GSTA2: variants seen among roughly 807,000 people sequenced by gnomAD.
GSTA2 encodes the protein glutathione S-transferase A2.
In GSTA2, 27 loss-of-function variants were observed where a neutral mutation model predicts 22.4. That is an observed-to-expected ratio of 1.21 (90% CI 0.89 to 1.67). The LOEUF (loss-of-function observed/expected upper bound fraction) is 1.67. Among genes scored for constraint, GSTA2 ranks in the 40% most tolerant of loss-of-function variants. The pLI, the probability that GSTA2 is intolerant of heterozygous loss-of-function variation, is 0.00. For missense variants in GSTA2, 302 were observed against 260.2 expected, an observed-to-expected ratio of 1.16 and a Z score of -1.11; for synonymous variants, 121 against 86.8, an observed-to-expected ratio of 1.39 and a Z score of -2.19.
In GSTA2 at chr6:52,757,911, G is replaced by C. The variant is rs771389883; in HGVS notation, c.37C>G (p.Arg13Gly). 77 of 1,613,556 alleles carry C rather than the reference G, an allele frequency of 4.8e-5. No individual in the cohort carries two copies. Among genetic ancestry groups the C allele is most frequent in the Admixed American group, 1.3e-4 (8 of 59,968 alleles). ...CACCGGATGGACTCCATTCTGCCCC[G>C]TATATTGGAGTAGTGGAGCTTGGGC... Reference protein sequence around the residue: ...EKPKLHYSNIRGRMESIRWLL... With the variant: ...EKPKLHYSNIGGRMESIRWLL... Residue 13 changes from arginine to glycine, a missense_variant, in exon 2 of 7, where the codon CGG (arginine) becomes GGG (glycine). By Grantham distance (125) the Arg-to-Gly change is moderately radical. Coordinates refer to ENST00000493422, the MANE Select transcript of GSTA2 (RefSeq NM_000846.5).
At position 52,750,638 on chromosome 6, in the gene GSTA2, G is replaced by T. The variant is rs1213976044; in HGVS notation, c.608C>A (p.Pro203Gln). The T allele has an allele frequency of 2.5e-6, 4 of 1,613,454 alleles. No homozygotes were observed. In the Admixed American group the frequency reaches 6.7e-5, roughly 27 times the overall value. The change falls in exon 7 of 7, where the codon CCA becomes CAA. Residue 203 changes from proline to glutamine, a missense_variant. Coordinates refer to ENST00000493422, the MANE Select transcript of GSTA2 (RefSeq NM_000846.5). Reference sequence around the variant, plus strand: ...TTTCTCATCCATGGGAGGCTTCCTTGGGCTGCCAGGCTGTAGAAACTTCTT... The same window carrying T: ...TTTCTCATCCATGGGAGGCTTCCTTTGGCTGCCAGGCTGTAGAAACTTCTT... The part of the protein sequence containing the change: ...TVKKFLQPGS[P>Q]RKPPMDEKSL...
chr6:52,751,851 T>A, intron 5 of GSTA2, 143 bp from the exon 6 acceptor site: 1 of 1,185,532 alleles, frequency 8.4e-7, no homozygotes, highest in Non-Finnish European at 1.2e-6. Flanking sequence ...TTCTCCACAT[T>A]ATCTGAATGA....
In GSTA2 at chr6:52,756,368, A is replaced by G. The variant is rs73740535; in HGVS notation, c.88-59T>C. The stretch of plus-strand genomic sequence containing the variant: ...GTTCATTCTATTATAGACCTGTGAA[A>G]TTGAATGGCCTCTATCTGGTGCATC... On this transcript the variant is annotated intron_variant, in intron 2 of 6. Coordinates refer to ENST00000493422, the MANE Select transcript of GSTA2 (RefSeq NM_000846.5). 5.3e-6 allele frequency: 7 copies of G among 1,323,596 alleles called. No homozygotes were observed. The African/African-American group carries it at 8.6e-5, about 16-fold the overall frequency. The allele number at this position is 1,323,596 out of a possible 1,614,324, so 82.0% of individuals were successfully genotyped here.
At chr6:52,761,325 G>A (rs145031453) in intron 1 of GSTA2, among the ~76,000 whole-genome samples, 89 of 152,170 alleles carry the variant, frequency 5.8e-4, no homozygotes, top group Admixed American at 3.7e-3. Context: ...CTATGTACAT[G>A]TATCTGTTTA....
chr6:52,762,782 G>T (rs1762973874), intron 1 of GSTA2, among the ~76,000 whole-genome samples: 1 of 152,158 alleles, frequency 6.6e-6, no homozygotes, highest in East Asian at 1.9e-4. Flanking sequence ...GGTGTGGAGG[G>T]GCAGGCCACC....
rs1762986543 is a variant in GSTA2, at chr6:52,763,429, A to G, written c.-31+15T>C. On this transcript the variant is annotated intron_variant, in intron 1 of 6. Coordinates refer to ENST00000493422, the MANE Select transcript of GSTA2 (RefSeq NM_000846.5). Reference sequence around the variant, plus strand: ...TGTGAGGCAATGTAGAGAGATTTATAAGATCAGTACTTACTTTGTTAAATG... The same window carrying G: ...TGTGAGGCAATGTAGAGAGATTTATGAGATCAGTACTTACTTTGTTAAATG... The G allele has an allele frequency of 5.5e-6, 1 of 181,116 alleles. No homozygotes were observed. Among genetic ancestry groups the G allele is most frequent in the African/African-American group, 2.4e-5 (1 of 42,464 alleles). 11.2% of individuals were successfully genotyped at this position (181,116 alleles called of 1,614,324 possible).
At chr6:52,754,771 T>C (rs1351667434) in intron 4 of GSTA2, among the ~76,000 whole-genome samples, 172 bp downstream of exon 4, 1 of 152,124 alleles carries the variant, frequency 6.6e-6, no homozygotes, top group Non-Finnish European at 1.5e-5. Context: ...ACCCTCCCCA[T>C]GTTCACTGTT....
intron 4 of GSTA2, among the ~76,000 whole-genome samples, 177 bp downstream of exon 4, chr6:52,754,766 C>T (rs1305298235): frequency 6.6e-6 from 1 of 152,134 alleles, no homozygotes; most frequent in Non-Finnish European, 1.5e-5. Flanking sequence ...CCTGAACCCT[C>T]CCCATGTTCA....
At position 52,752,932 on chromosome 6, in the gene GSTA2, A is replaced by G. The variant is rs1395132853; in HGVS notation, c.336T>C (p.Ser112=). ...LGEMILLLPF[S]QPEEQDAKLA... Reference sequence around the variant, plus strand: ...GCTTGGCATCTTGTTCCTCAGGTTGACTAAAGGGCAGAAGAAGGATCATTT... The same window carrying G: ...GCTTGGCATCTTGTTCCTCAGGTTGGCTAAAGGGCAGAAGAAGGATCATTT... Residue 112 remains serine (S), a synonymous_variant, in exon 5 of 7, where the codon AGT becomes AGC. Transcript: ENST00000493422. The G allele has an allele frequency of 6.2e-7, 1 of 1,614,006 alleles. No individual in the cohort carries two copies. Among genetic ancestry groups the G allele is most frequent in the South Asian group, 1.1e-5 (1 of 91,070 alleles).
At chr6:52,751,461 G>A in intron 6 of GSTA2, 116 bp downstream of exon 6, 3 of 1,582,438 alleles carry the variant, frequency 1.9e-6, no homozygotes, top group Non-Finnish European at 2.6e-6. Context: ...AGACCTTGGG[G>A]CACCAAAGGC....
chr6:52,751,934 AC>A (rs1474978181), intron 5 of GSTA2, among the ~76,000 whole-genome samples: 1 of 152,214 alleles, frequency 6.6e-6, no homozygotes, highest in Non-Finnish European at 1.5e-5. Flanking sequence ...CTTCTCATCC[AC>A]ATCACTGTGG....
At chr6:52,754,149 C>A (rs189260393) in intron 4 of GSTA2, among the ~76,000 whole-genome samples, 1 of 152,156 alleles carries the variant, frequency 6.6e-6, no homozygotes, top group Non-Finnish European at 1.5e-5. Context: ...GTTGTTTCCA[C>A]TTTTTGAATT....
chr6:52,751,808 T>G, intron 5 of GSTA2, 100 bp from the exon 6 acceptor site: 1 of 1,545,192 alleles, frequency 6.5e-7, no homozygotes, highest in Non-Finnish European at 8.9e-7. Context: ...CCACCTCTGT[T>G]GCCTTACTGC....
rs771998622 is a variant in GSTA2 at position 52,750,261 on chromosome 6, T to A, written c.*316A>T. 14 of 219,922 alleles carry A rather than the reference T, an allele frequency of 6.4e-5. No individual in the cohort carries two copies. The highest frequency in any genetic ancestry group is 1.1e-4 in the Non-Finnish European group (12 of 110,790). 13.6% of individuals were successfully genotyped at this position (219,922 alleles called of 1,614,324 possible). A position where few individuals can be genotyped will look rare whatever the true frequency, so the allele number is the denominator to read the frequency against. ...CATTTTAATAGATTGTATGACAAAT[T>A]GTATGTTACAGGGCAATTCTTGGAA... is the stretch of plus-strand genomic sequence containing the variant. On this transcript the variant is annotated 3_prime_UTR_variant, in exon 7 of 7. Transcript: ENST00000493422.
At chr6:52,760,523 T>C (rs1048126767) in intron 1 of GSTA2, among the ~76,000 whole-genome samples, 6 of 152,152 alleles carry the variant, frequency 3.9e-5, no homozygotes, top group Non-Finnish European at 7.4e-5. Flanking sequence ...TGGCTCCTAT[T>C]ATCCTAATTA....
At chr6:52,759,418 C>T (rs908916640) in intron 1 of GSTA2, among the ~76,000 whole-genome samples, 2 of 152,082 alleles carry the variant, frequency 1.3e-5, no homozygotes, top group Non-Finnish European at 2.9e-5. Context: ...AGAAGGAGTT[C>T]CAGTGCCAGG....
chr6:52,757,775 T>A (rs1383023521), intron 2 of GSTA2, 86 bp downstream of exon 2: 7 of 1,119,810 alleles, frequency 6.3e-6, no homozygotes, highest in African/African-American at 1.5e-5. Context: ...ATGCTTCAGT[T>A]AGTAATCATC....
intron 1 of GSTA2, among the ~76,000 whole-genome samples, chr6:52,759,008 A>G (rs1385071195): frequency 1.3e-5 from 2 of 152,212 alleles, no homozygotes; most frequent in African/African-American, 4.8e-5. Flanking sequence ...TAAAAACCAA[A>G]TACTGAGTCT....
chr6:52,752,701 T>C (rs1762765328), intron 5 of GSTA2, among the ~76,000 whole-genome samples, 153 bp downstream of exon 5: 1 of 152,242 alleles, frequency 6.6e-6, no homozygotes, highest in Admixed American at 6.5e-5. Context: ...TCTCCAAGTC[T>C]ATTTTCATAA....
Sources: allele counts gnomAD v4.1 joint callset (sites outside exome capture counted in the v4.1 genomes callset), GRCh38; gene constraint gnomAD v4.1.1; transcripts MANE v1.5; gene names NCBI Gene and HGNC (gene_info 2026-07-23, HGNC 2026-07-21).